The following SPATA16 variants were observed in gnomAD, a reference collection of about 807,000 sequenced individuals.
SPATA16 encodes the protein spermatogenesis-associated protein 16.
Under a neutral mutation model 63.3 loss-of-function variants are expected in SPATA16, and 36 were observed. That is an observed-to-expected ratio of 0.57 (90% CI 0.44 to 0.75). SPATA16 has a LOEUF of 0.75. SPATA16 is among the 30% of genes least tolerant of loss of function. The probability of loss-of-function intolerance (pLI) is 0.00; values close to 1 mark genes in which losing one functional copy is unlikely to be tolerated. For missense variants in SPATA16, 646 were observed against 679.3 expected (o/e 0.95, Z 0.54); for synonymous variants, 203 against 216.7 (o/e 0.94, Z 0.56).
chr3:173,088,007 C>CT (rs1553801607), intron 2 of SPATA16, among the ~76,000 whole-genome samples: 1 of 118,310 alleles, frequency 8.5e-6, no homozygotes, highest in Non-Finnish European at 1.8e-5. Flanking sequence ...ATTTTCTTTC[C>CT]GTCTTTCTTT....
chr3:173,006,363 A>G (rs1158428556), intron 4 of SPATA16, among the ~76,000 whole-genome samples: 2 of 152,206 alleles, frequency 1.3e-5, no homozygotes, highest in African/African-American at 4.8e-5. Context: ...CTTCAGGCAG[A>G]TGGCCAGTTT....
intron 2 of SPATA16, among the ~76,000 whole-genome samples, chr3:173,096,138 C>T (rs1577172254): frequency 6.6e-6 from 1 of 151,924 alleles, no homozygotes; most frequent in African/African-American, 2.4e-5. Context: ...AAACTACTAT[C>T]CCATTTCTTG....
intron 6 of SPATA16, among the ~76,000 whole-genome samples, chr3:172,945,149 G>A (rs1172753769): frequency 6.6e-6 from 1 of 152,066 alleles, no homozygotes; most frequent in African/African-American, 2.4e-5. Flanking sequence ...AATTATGTAG[G>A]TGTTCATTAT....
intron 9 of SPATA16, among the ~76,000 whole-genome samples, chr3:172,914,043 A>G (rs1461535426): frequency 6.6e-6 from 1 of 152,192 alleles, no homozygotes; most frequent in Non-Finnish European, 1.5e-5. Flanking sequence ...GAATGAAGGC[A>G]GTAGTTAATT....
chr3:172,938,644 A>G (rs1733069749), intron 6 of SPATA16, among the ~76,000 whole-genome samples: 1 of 152,196 alleles, frequency 6.6e-6, no homozygotes, highest in African/African-American at 2.4e-5. Context: ...TCTTCAAAAA[A>G]AGTTTCAGGC....
At chr3:172,896,900 CT>C (rs201090478) in intron 10 of SPATA16, among the ~76,000 whole-genome samples, 1 of 150,684 alleles carries the variant, frequency 6.6e-6, no homozygotes, top group East Asian at 1.9e-4. Context: ...TTTTTTCATC[CT>C]TTTTTATTTT....
At chr3:172,962,259 A>AAAAAAC in intron 5 of SPATA16, among the ~76,000 whole-genome samples, 1 of 148,890 alleles carries the variant, frequency 6.7e-6, no homozygotes, top group African/African-American at 2.5e-5. Context: ...GTCTCAAAAA[A>AAAAAAC]AAAAAAAAAA....
chr3:173,130,742 A>G (rs1738359855), intron 1 of SPATA16, among the ~76,000 whole-genome samples: 1 of 152,232 alleles, frequency 6.6e-6, no homozygotes. Context: ...TTGCTTTGAC[A>G]TTATACTAAA....
At chr3:173,137,029 C>T (rs1439373857) in intron 1 of SPATA16, among the ~76,000 whole-genome samples, 1 of 152,194 alleles carries the variant, frequency 6.6e-6, no homozygotes, top group Non-Finnish European at 1.5e-5. Context: ...TTTAAATAAT[C>T]CCTCTCTACA....
intron 5 of SPATA16, among the ~76,000 whole-genome samples, chr3:172,961,855 G>A (rs886585864): frequency 7.9e-5 from 12 of 152,138 alleles, no homozygotes; most frequent in Non-Finnish European, 1.3e-4. Flanking sequence ...GCAGAATGTG[G>A]ACCAATGGAA....
intron 5 of SPATA16, among the ~76,000 whole-genome samples, chr3:172,972,484 T>A (rs1734068890): frequency 6.6e-6 from 1 of 152,216 alleles, no homozygotes; most frequent in African/African-American, 2.4e-5. Flanking sequence ...AGAAGAGATT[T>A]AGATGTGATT....
intron 2 of SPATA16, among the ~76,000 whole-genome samples, chr3:173,051,678 C>G (rs1736098656): frequency 6.6e-6 from 1 of 152,058 alleles, no homozygotes; most frequent in Non-Finnish European, 1.5e-5. Flanking sequence ...TTTGTTTCCT[C>G]AAATCTTACT....
intron 2 of SPATA16, among the ~76,000 whole-genome samples, chr3:173,095,782 G>A (rs145295520): frequency 4.6e-5 from 7 of 152,132 alleles, no homozygotes; most frequent in Non-Finnish European, 8.8e-5. Flanking sequence ...ACATTCACCC[G>A]GAATTAATAG....
At chr3:172,945,566 T>C in intron 6 of SPATA16, among the ~76,000 whole-genome samples, 1 of 152,146 alleles carries the variant, frequency 6.6e-6, no homozygotes, top group African/African-American at 2.4e-5. Context: ...AGAGAGAGAC[T>C]GTGTGCGTGG....
chr3:173,019,648 A>C (rs1577134656), intron 3 of SPATA16, 73 bp from the exon 4 acceptor site: 1 of 1,348,178 alleles, frequency 7.4e-7, no homozygotes, highest in East Asian at 2.3e-5. Flanking sequence ...CAATGGAATG[A>C]AATCACAGGC....
At chr3:172,894,204 T>C (rs1731956959) in intron 10 of SPATA16, among the ~76,000 whole-genome samples, 1 of 152,184 alleles carries the variant, frequency 6.6e-6, no homozygotes, top group African/African-American at 2.4e-5. Context: ...TTTTAAATAT[T>C]TATCATCCAA....
At chr3:173,027,996 TCCCTCCCTCCCTCCCTC>T (rs1735493463) in intron 3 of SPATA16, among the ~76,000 whole-genome samples, 1 of 15,898 alleles carries the variant, frequency 6.3e-5, no homozygotes, top group Admixed American at 7.9e-4. Flanking sequence ...CCTCCCTCCC[TCCCTCCCTCCCTCCCTC>T]CCTTCCTTCT....
At chr3:172,989,128 C>T (rs75032014) in intron 4 of SPATA16, among the ~76,000 whole-genome samples, 3,383 of 152,200 alleles carry the variant, frequency 0.022, 52 homozygotes, top group Non-Finnish European at 0.032. Context: ...CTAAAATCTT[C>T]CACTGTGAAA....
Position 173,139,985 on chromosome 3 carries a change from AAAACAAACAAAC to A in SPATA16, c.-19+1106_-19+1117del, listed in dbSNP as rs10606462. Among the ~76,000 whole-genome samples, 61 of 150,438 alleles carry A rather than the reference AAAACAAACAAAC, an allele frequency of 4.1e-4. 1 individual carries two copies. The highest frequency in any genetic ancestry group is 1.1e-3 in the African/African-American group (45 of 40,658). ...GGGTGACAGAGCAAGACTCTGTCTC[AAAACAAACAAAC>A]AAACAAACAAACAAACAAACAAACT... On this transcript the variant is annotated intron_variant, in intron 1 of 10. Coordinates refer to ENST00000351008, the MANE Select transcript of SPATA16 (RefSeq NM_031955.6).
Sources: allele counts gnomAD v4.1 joint callset (sites outside exome capture counted in the v4.1 genomes callset), GRCh38; gene constraint gnomAD v4.1.1; transcripts MANE v1.5; gene names NCBI Gene and HGNC (gene_info 2026-07-23, HGNC 2026-07-21).